Variants in HOOK2 observed in about 807,000 individuals in gnomAD.
HOOK2 encodes protein Hook homolog 2.
A neutral mutation model predicts 111.9 loss-of-function variants in HOOK2; 108 were observed. That is an observed-to-expected ratio of 0.96 (90% CI 0.83 to 1.13). The LOEUF is 1.13. Among genes scored for constraint, HOOK2 ranks in the 50% most tolerant of loss-of-function variants. The pLI, the probability that HOOK2 is intolerant of heterozygous loss-of-function variation, is 0.00. For missense variants in HOOK2, 978 were observed against 951.3 expected (o/e 1.03, Z -0.37); for synonymous variants, 405 against 394.3 (o/e 1.03, Z -0.32).
intron 5 of HOOK2, 30 bp downstream of exon 5, chr19:12,772,750 A>C (rs1968373813): frequency 6.2e-7 from 1 of 1,613,312 alleles, no homozygotes. Context: ...TCCTCAGGCC[A>C]GCCCTGGGGA....
intron 3 of HOOK2, chr19:12,774,398 G>A (rs1010843958): frequency 1.5e-5 from 8 of 536,858 alleles, no homozygotes; most frequent in Middle Eastern, 2.9e-4. Context: ...GAGCCACTGC[G>A]CCCAGCCTGG....
chr19:12,772,705 GAGACCCAGGGGTGA>G (rs1568370823), intron 5 of HOOK2, 25 bp from the exon 6 acceptor site: 1 of 1,614,162 alleles, frequency 6.2e-7, no homozygotes, highest in South Asian at 1.1e-5. Flanking sequence ...GGGGGAGGCT[GAGACCCAGGGGTGA>G]GGTGGGGAGG....
At position 12,791,550 on chromosome 19, in the gene HOOK2, C is replaced by A; in HGVS notation, n.42-17325G>T. ...GGGAGCTGGGAGCTGGGGGAAACGA[C>A]GCCAGGAAAGCTATCGCGCCAGAGA... On this transcript the variant is annotated intron_variant and non_coding_transcript_variant, in intron 3 of 3. Coordinates refer to the HOOK2 transcript ENST00000589765. This position sits in a 1 kb window ranked among gnomAD's most constrained non-coding sequence, Gnocchi z 7.0. 2.0e-6 allele frequency: 1 copy of A among 493,032 alleles called. No individual in the cohort carries two copies. Among genetic ancestry groups the A allele is most frequent in the Non-Finnish European group, 3.6e-6 (1 of 281,160 alleles). 30.5% of individuals were successfully genotyped at this position (493,032 alleles called of 1,614,324 possible). A position where few individuals can be genotyped will look rare whatever the true frequency, so the allele number is the denominator to read the frequency against.
At chr19:12,767,672 T>C in intron 13 of HOOK2, 144 bp downstream of exon 13, 1 of 873,134 alleles carries the variant, frequency 1.1e-6, no homozygotes, top group Non-Finnish European at 1.7e-6. Flanking sequence ...GCCTCTCTCT[T>C]CAATTTGACC....
chr19:12,775,663 C>A, upstream of HOOK2: 1 of 429,950 alleles, frequency 2.3e-6, no homozygotes. Context: ...CCTCCAGCCC[C>A]GCCATCTTGG....
At position 12,770,983 on chromosome 19, in the gene HOOK2, G is replaced by A; in HGVS notation, c.851C>T (p.Thr284Ile). Reference protein sequence around the residue: ...AELQHRNQALTSLAQEAQALK... With the variant: ...AELQHRNQALISLAQEAQALK... ...GGCCTGTGCCTCCTGGGCCAGGCTA[G>A]TCAGCGCCTGGTTCCGGTGCTGCAG... is the stretch of plus-strand genomic sequence containing the variant. Residue 284 changes from threonine to isoleucine, a missense_variant, in exon 10 of 23, where the codon ACT becomes ATT. This residue lies in a region of HOOK2 where 388 missense variants were observed against 358.3 expected (regional missense o/e 1.08). Transcript: ENST00000397668. 7 of 1,611,848 alleles carry A rather than the reference G, an allele frequency of 4.3e-6. No homozygotes were observed. Among genetic ancestry groups the A allele is most frequent in the Non-Finnish European group, 5.9e-6 (7 of 1,179,336 alleles).
At chr19:12,771,505 C>T in intron 7 of HOOK2, 28 bp from the exon 8 acceptor site, 1 of 1,585,924 alleles carries the variant, frequency 6.3e-7, no homozygotes, top group Non-Finnish European at 8.6e-7. Flanking sequence ...AAGAGGAACT[C>T]AGGGATTCAG....
At chr19:12,783,300 A>G (rs951520525), upstream of HOOK2, among the ~76,000 whole-genome samples, 2 of 148,950 alleles carry the variant, frequency 1.3e-5, no homozygotes, top group Non-Finnish European at 3.0e-5. Flanking sequence ...TTAGCAAGCC[A>G]GAGGCGCCCC....
intron 3 of HOOK2, among the ~76,000 whole-genome samples, chr19:12,789,981 C>T (rs1968692087): frequency 1.3e-5 from 2 of 152,164 alleles, no homozygotes; most frequent in Admixed American, 6.5e-5. Context: ...ACTTCGGGGG[C>T]CGGCCCGCGC....
upstream of HOOK2, among the ~76,000 whole-genome samples, chr19:12,778,831 G>A (rs556008203): frequency 1.4e-4 from 22 of 152,144 alleles, no homozygotes; most frequent in Non-Finnish European, 2.9e-4. Flanking sequence ...GCTCAATTTG[G>A]GGGAGGAGCA....
chr19:12,778,137 A>T (rs528317390), upstream of HOOK2, among the ~76,000 whole-genome samples: 1 of 150,242 alleles, frequency 6.7e-6, no homozygotes, highest in African/African-American at 2.4e-5. Flanking sequence ...AGCTGTACCC[A>T]GAGGGAGGGG....
chr19:12,774,582 G>A (rs776525595), intron 3 of HOOK2, 87 bp downstream of exon 3: 9 of 1,233,822 alleles, frequency 7.3e-6, no homozygotes, highest in East Asian at 2.3e-5. Context: ...CCCTCTTCCT[G>A]CCCATCACCC....
At chr19:12,765,571 A>G in intron 18 of HOOK2, 119 bp downstream of exon 18, 1 of 1,356,776 alleles carries the variant, frequency 7.4e-7, no homozygotes, top group Non-Finnish European at 1.1e-6. Flanking sequence ...AACATAGTGA[A>G]ACCCCGTCTC....
intron 6 of HOOK2, among the ~76,000 whole-genome samples, 180 bp from the exon 7 acceptor site, chr19:12,772,432 G>C (rs1968364921): frequency 6.6e-6 from 1 of 152,198 alleles, no homozygotes; most frequent in Non-Finnish European, 1.5e-5. Context: ...CCTTGAGCCT[G>C]CTAGATTGCG....
In HOOK2 at chr19:12,791,543, G is replaced by A. The variant is rs1359427576; in HGVS notation, n.42-17318C>T. The A allele has an allele frequency of 6.2e-6, 3 of 486,746 alleles. No homozygotes were observed. The highest frequency in any genetic ancestry group is 3.5e-5 in the East Asian group (1 of 28,796). The allele number at this position is 486,746 out of a possible 1,614,324, so 30.2% of individuals were successfully genotyped here. A position where few individuals can be genotyped will look rare whatever the true frequency, so the allele number is the denominator to read the frequency against. On this transcript the variant is annotated intron_variant and non_coding_transcript_variant, in intron 3 of 3. Coordinates refer to the HOOK2 transcript ENST00000589765. This position sits in a 1 kb window ranked among gnomAD's most constrained non-coding sequence, Gnocchi z 7.0. Reference sequence around the variant, plus strand: ...GCCAGCAGGGAGCTGGGAGCTGGGGGAAACGACGCCAGGAAAGCTATCGCG... The same window carrying A: ...GCCAGCAGGGAGCTGGGAGCTGGGGAAAACGACGCCAGGAAAGCTATCGCG...
intron 7 of HOOK2, chr19:12,771,905 A>G: frequency 2.4e-6 from 1 of 410,852 alleles, no homozygotes; most frequent in Non-Finnish European, 4.3e-6. Context: ...AAAAAGAAAA[A>G]GAAAAGAAAA....
At chr19:12,769,752 G>C in intron 11 of HOOK2, 129 bp downstream of exon 11, 2 of 704,424 alleles carry the variant, frequency 2.8e-6, no homozygotes, top group East Asian at 3.6e-5. Flanking sequence ...TGGGTGGAGG[G>C]AAGAGGCCCG....
chr19:12,777,767 C>CT (rs1351847571), upstream of HOOK2, among the ~76,000 whole-genome samples: 4 of 152,224 alleles, frequency 2.6e-5, no homozygotes, highest in Non-Finnish European at 5.9e-5. Flanking sequence ...AGAACGCGGC[C>CT]TAGGGGGAAG....
In HOOK2 at chr19:12,765,953, G is replaced by C; in HGVS notation, c.1573C>G (p.Gln525Glu). ...AQVEDLQKAL[Q>E]EQGGKTEDAI... ...TCTTCAGTCTTGCCCCCCTGCTCCT[G>C]CAGGGCTTTCTGCAGGTCCTCCACC... is the stretch of plus-strand genomic sequence containing the variant. Residue 525 changes from glutamine (Q) to glutamate (E), a missense_variant, in exon 16 of 23, where the codon CAG becomes GAG. By Grantham distance (29) the Gln-to-Glu change is conservative (BLOSUM62 2). Around this residue, in one of 5 missense-constraint regions of HOOK2, gnomAD observed 277 missense variants for 265.8 expected, o/e 1.04. Coordinates refer to ENST00000397668, the MANE Select transcript of HOOK2 (RefSeq NM_013312.3). 6.2e-7 allele frequency: 1 copy of C among 1,614,074 alleles called. No homozygotes were observed. Among genetic ancestry groups the C allele is most frequent in the South Asian group, 1.1e-5 (1 of 91,086 alleles).
Sources: allele counts gnomAD v4.1 joint callset (sites outside exome capture counted in the v4.1 genomes callset), GRCh38; gene constraint gnomAD v4.1.1; regional missense constraint gnomAD v4.1.1; non-coding constraint Gnocchi (gnomAD v3.1); transcripts MANE v1.5; gene names NCBI Gene and HGNC (gene_info 2026-07-23, HGNC 2026-07-21).